The following HDAC9 variants were observed in gnomAD, a reference collection of about 807,000 sequenced individuals.
The protein encoded by HDAC9 is histone deacetylase 9, also known as MEF-2 interacting transcription repressor (MITR) protein.
A neutral mutation model predicts 139.4 loss-of-function variants in HDAC9; 41 were observed. The ratio of observed to expected loss-of-function variants is 0.29; its 90% CI spans 0.23 to 0.38. The LOEUF (loss-of-function observed/expected upper bound fraction) is 0.38. Among genes scored for constraint, HDAC9 ranks in the 10% least tolerant of loss-of-function variants. The pLI, the probability that HDAC9 is intolerant of heterozygous loss-of-function variation, is 1.00. For missense variants in HDAC9, 1,147 were observed against 1,297.0 expected, an observed-to-expected ratio of 0.88 and a Z score of 1.78; for synonymous variants, 517 against 476.2, an observed-to-expected ratio of 1.09 and a Z score of -1.12.
At chr7:18,665,740 TAGACAA>T (rs1466465918) in intron 11 of HDAC9, among the ~76,000 whole-genome samples, 1 of 152,062 alleles carries the variant, frequency 6.6e-6, no homozygotes, top group Admixed American at 6.6e-5. Flanking sequence ...ACAAGAAAAT[TAGACAA>T]AGACTATTAG....
chr7:18,245,933 C>T (rs1794495050), intron 2 of HDAC9, among the ~76,000 whole-genome samples: 8 of 151,700 alleles, frequency 5.3e-5, no homozygotes, highest in African/African-American at 7.3e-5. Flanking sequence ...CTGGATCAGT[C>T]ATTGCTTATA....
chr7:18,774,691 A>G (rs967857855), intron 16 of HDAC9, among the ~76,000 whole-genome samples: 1 of 152,088 alleles, frequency 6.6e-6, no homozygotes, highest in Non-Finnish European at 1.5e-5. Context: ...CGTTGGCTCA[A>G]GGGAATGTGG....
Position 18,139,801 on chromosome 7 carries a change from A to G in HDAC9, c.-96-22428A>G, listed in dbSNP as rs925963906. 5.9e-5 allele frequency among the ~76,000 whole-genome samples: 9 copies of G among 152,208 alleles called. No individual in the cohort carries two copies. In the South Asian group the frequency reaches 8.3e-4, roughly 14 times the overall value. ...GGAGACAGAGGGGTATTTAATACGTACAGAAGGGAAGAAGGCAATGCGATC... is the reference window on the plus strand; with the variant it reads ...GGAGACAGAGGGGTATTTAATACGTGCAGAAGGGAAGAAGGCAATGCGATC... On this transcript the variant is annotated intron_variant, in intron 1 of 12. Coordinates refer to the HDAC9 transcript ENST00000417496.
intron 25 of HDAC9, among the ~76,000 whole-genome samples, chr7:18,977,542 A>G (rs973817169): frequency 3.9e-5 from 6 of 152,198 alleles, no homozygotes; most frequent in African/African-American, 1.4e-4. Context: ...TTGGCCCTGT[A>G]GGCAAAGTTG....
At chr7:18,403,915 C>A (rs1397503949) in intron 1 of HDAC9, among the ~76,000 whole-genome samples, 1 of 152,158 alleles carries the variant, frequency 6.6e-6, no homozygotes, top group Non-Finnish European at 1.5e-5. Context: ...AAATAAGCTT[C>A]TGTGAAGCAG....
At chr7:18,851,552 G>A (rs1371372437) in intron 21 of HDAC9, 2 of 152,152 alleles carry the variant, frequency 1.3e-5, no homozygotes, top group Non-Finnish European at 2.9e-5. Flanking sequence ...GTATAGCAGT[G>A]ACAAAACGGA....
chr7:18,643,564 A>G (rs1376261691), intron 8 of HDAC9, among the ~76,000 whole-genome samples: 1 of 152,126 alleles, frequency 6.6e-6, no homozygotes, highest in Non-Finnish European at 1.5e-5. Flanking sequence ...TTGGTGGTGC[A>G]TCACTCTTCA....
chr7:18,460,654 C>T (rs1182070192), intron 1 of HDAC9, among the ~76,000 whole-genome samples: 1 of 151,738 alleles, frequency 6.6e-6, no homozygotes, highest in African/African-American at 2.4e-5. Flanking sequence ...CGTGGTGGCA[C>T]ATGTCTGTAA....
intron 11 of HDAC9, among the ~76,000 whole-genome samples, chr7:18,665,006 G>A (rs1794416197): frequency 6.6e-6 from 1 of 152,140 alleles, no homozygotes; most frequent in Non-Finnish European, 1.5e-5. Context: ...CTTTGTTAGT[G>A]TGTTCAGGGC....
chr7:18,665,499 T>C (rs1466780932), intron 11 of HDAC9, among the ~76,000 whole-genome samples: 2 of 150,944 alleles, frequency 1.3e-5, no homozygotes, highest in African/African-American at 5.0e-5. Flanking sequence ...CAATCTAATT[T>C]ATAAAATAAA....
At chr7:18,184,781 A>G (rs1400215123) in intron 2 of HDAC9, among the ~76,000 whole-genome samples, 1 of 152,186 alleles carries the variant, frequency 6.6e-6, no homozygotes, top group African/African-American at 2.4e-5. Flanking sequence ...AATAAAAAGG[A>G]TTTCAGAACA....
intron 6 of HDAC9, among the ~76,000 whole-genome samples, chr7:18,620,834 C>T (rs1840019749): frequency 6.6e-6 from 1 of 152,096 alleles, no homozygotes; most frequent in Non-Finnish European, 1.5e-5. Flanking sequence ...CATGTATGAC[C>T]ATTTTTTTTC....
At chr7:18,904,650 A>C (rs1563042268) in intron 22 of HDAC9, among the ~76,000 whole-genome samples, 2 of 131,570 alleles carry the variant, frequency 1.5e-5, no homozygotes, top group African/African-American at 5.9e-5. Context: ...CGATCCGCTC[A>C]CTGCAAGCTC....
intron 1 of HDAC9, among the ~76,000 whole-genome samples, chr7:18,139,559 A>T (rs1240214222): frequency 2.6e-5 from 4 of 152,202 alleles, no homozygotes; most frequent in Non-Finnish European, 5.9e-5. Flanking sequence ...AAGTTTTACA[A>T]ACTGTTTTGT....
intron 1 of HDAC9, among the ~76,000 whole-genome samples, chr7:18,298,962 T>A (rs560465770): frequency 3.3e-5 from 5 of 152,302 alleles, no homozygotes; most frequent in South Asian, 2.1e-4. Flanking sequence ...TAGGATTGTA[T>A]CTGTTAGATT....
At chr7:18,505,371 C>T (rs2128168760) in intron 2 of HDAC9, among the ~76,000 whole-genome samples, 1 of 152,228 alleles carries the variant, frequency 6.6e-6, no homozygotes, top group East Asian at 1.9e-4. Context: ...TGGCATTTAC[C>T]TTGAAATGTA....
At chr7:18,589,553 A>C (rs1420664258) in intron 3 of HDAC9, among the ~76,000 whole-genome samples, 4 of 152,090 alleles carry the variant, frequency 2.6e-5, no homozygotes, top group African/African-American at 9.7e-5. Flanking sequence ...AATAAAAATA[A>C]AAAAGAGTGC....
chr7:18,184,688 T>C (rs1789766477), intron 2 of HDAC9, among the ~76,000 whole-genome samples: 1 of 152,202 alleles, frequency 6.6e-6, no homozygotes, highest in South Asian at 2.1e-4. Flanking sequence ...GATCAAATGT[T>C]CTATGCTTGT....
chr7:18,698,955 G>C (rs115901880), intron 12 of HDAC9, among the ~76,000 whole-genome samples: 2,994 of 152,230 alleles, frequency 0.02, 109 homozygotes, highest in African/African-American at 0.067. Context: ...CATCCTATTT[G>C]TTGGGAAAAA....
Sources: gnomAD v4.1 joint callset for allele counts (sites outside exome capture counted in the v4.1 genomes callset) on GRCh38, gnomAD v4.1.1 for gene constraint, MANE v1.5 for transcripts, NCBI Gene and HGNC (gene_info 2026-07-23, HGNC 2026-07-21) for gene names.